Variants in KIFC3 observed in about 807,000 individuals in gnomAD.
The protein encoded by KIFC3 is kinesin-like protein KIFC3.
In KIFC3, 60 loss-of-function variants were observed where a neutral mutation model predicts 101.8. The observed-to-expected ratio is 0.59, with a 90% CI of 0.48 to 0.73. KIFC3 has a LOEUF of 0.73. Ranked by LOEUF, KIFC3 falls within the 30% of genes least tolerant of loss-of-function variation. The pLI is 0.00. For missense variants in KIFC3, 966 were observed against 1,137.1 expected, an observed-to-expected ratio of 0.85 and a Z score of 2.16; for synonymous variants, 476 against 482.7, an observed-to-expected ratio of 0.99 and a Z score of 0.18.
chr16:57,781,502 G>A (rs1412979677), intron 3 of KIFC3, among the ~76,000 whole-genome samples: 1 of 152,204 alleles, frequency 6.6e-6, no homozygotes, highest in Non-Finnish European at 1.5e-5. Context: ...GCCTCCTGTG[G>A]TCACCAGACC....
chr16:57,792,393 T>A (rs13333467), intron 3 of KIFC3, among the ~76,000 whole-genome samples: 4,999 of 152,302 alleles, frequency 0.033, 289 homozygotes, highest in African/African-American at 0.11. Flanking sequence ...TAGCACAGAC[T>A]GGCACATTCT....
At chr16:57,819,159 C>T (rs1472375226) in intron 1 of KIFC3, among the ~76,000 whole-genome samples, 3 of 152,152 alleles carry the variant, frequency 2.0e-5, no homozygotes, top group Admixed American at 2.0e-4. Context: ...GTTGAATGCT[C>T]ACAAGGGTCC....
intron 1 of KIFC3, among the ~76,000 whole-genome samples, chr16:57,837,577 G>GAAAGAAAGAAAGAAAGAAAGAAAGAA (rs1377537360): frequency 6.6e-6 from 1 of 151,716 alleles, no homozygotes; most frequent in Non-Finnish European, 1.5e-5. Context: ...AAGAAAGAAA[G>GAAAGAAAGAAAGAAAGAAAGAAAGAA]AAAGAGTAGC....
intron 1 of KIFC3, among the ~76,000 whole-genome samples, chr16:57,801,329 G>A (rs1255309130): frequency 6.6e-6 from 1 of 152,142 alleles, no homozygotes; most frequent in African/African-American, 2.4e-5. Context: ...AGTTGTACAG[G>A]GAATGCCACC....
intron 1 of KIFC3, among the ~76,000 whole-genome samples, chr16:57,851,874 G>A (rs536417815): frequency 6.6e-6 from 1 of 152,188 alleles, no homozygotes; most frequent in East Asian, 1.9e-4. Context: ...TGAGTAGCTG[G>A]GATTACAGGC....
intron 1 of KIFC3, among the ~76,000 whole-genome samples, chr16:57,829,455 A>T (rs1319879111): frequency 3.3e-5 from 5 of 151,972 alleles, no homozygotes; most frequent in Non-Finnish European, 2.9e-5. Flanking sequence ...AGGTCTTGCT[A>T]TGTTGCCCAG....
At chr16:57,855,366 C>T (rs1255891062) in intron 1 of KIFC3, among the ~76,000 whole-genome samples, 1 of 151,906 alleles carries the variant, frequency 6.6e-6, no homozygotes. Flanking sequence ...CTCATGTGAT[C>T]TACCCGCCTT....
intron 1 of KIFC3, among the ~76,000 whole-genome samples, chr16:57,862,567 A>G (rs1350922075): frequency 1.3e-5 from 2 of 152,196 alleles, no homozygotes; most frequent in Non-Finnish European, 2.9e-5. Flanking sequence ...TCAATGTTTT[A>G]TAAGTAATTC....
chr16:57,832,255 A>G (rs12599610), intron 1 of KIFC3, among the ~76,000 whole-genome samples: 28,270 of 148,968 alleles, frequency 0.19, 2,751 homozygotes, highest in South Asian at 0.27. Context: ...TCCTGAACTC[A>G]GGTGATCCTC....
chr16:57,847,206 GGAA>G lies in KIFC3; in HGVS notation c.108+15520_108+15522del, dbSNP rs2055939145. 3.2e-3 allele frequency among the ~76,000 whole-genome samples: 139 copies of G among 43,404 alleles called. 1 individual carries two copies. Among genetic ancestry groups the G allele is most frequent in the Middle Eastern group, 0.028 (4 of 144 alleles). The allele number at this position is 43,404 out of a possible 152,430, so 28.5% of individuals were successfully genotyped here. ...GTGAAGGAAGGAGGGAAGGAAGGAA[GGAA>G]GGAAGGAAGGAAGGAAGGAAGGAAG... On this transcript the variant is annotated intron_variant, in intron 1 of 2. Transcript: ENST00000563028.
chr16:57,796,654 G>C (rs2054344963), intron 2 of KIFC3, among the ~76,000 whole-genome samples: 1 of 152,140 alleles, frequency 6.6e-6, no homozygotes, highest in South Asian at 2.1e-4. Context: ...GTGGATAAAA[G>C]TCTGTATGGT....
In KIFC3 at chr16:57,798,115, G is replaced by A. The variant is rs782722007; in HGVS notation, c.129C>T (p.Ala43=). The A allele has an allele frequency of 1.9e-6, 3 of 1,579,092 alleles. No individual in the cohort carries two copies. Among genetic ancestry groups the A allele is most frequent in the South Asian group, 1.2e-5 (1 of 86,440 alleles). The change falls in exon 2 of 20, where the codon GCC becomes GCT. Residue 43 remains alanine, a synonymous_variant. Coordinates refer to ENST00000445690, the MANE Select transcript of KIFC3 (RefSeq NM_001130100.2). Reference sequence around the variant, plus strand: ...GGCCGGTGTGTGGGAAAGGGCGGGCGGCCGGGCTGGCTGGGGCTGGGGCGG... The same window carrying A: ...GGCCGGTGTGTGGGAAAGGGCGGGCAGCCGGGCTGGCTGGGGCTGGGGCGG... ...ARPAPAPASP[A]ARPFPHTGPG...
intron 1 of KIFC3, among the ~76,000 whole-genome samples, chr16:57,850,944 T>G (rs2056038906): frequency 3.3e-5 from 1 of 30,366 alleles, no homozygotes; most frequent in Non-Finnish European, 8.7e-5. Context: ...TTTCCTTCCC[T>G]CCCTCCTTCC....
At chr16:57,812,345 C>G (rs1272406796) in intron 1 of KIFC3, among the ~76,000 whole-genome samples, 4 of 100,380 alleles carry the variant, frequency 4.0e-5, no homozygotes, top group African/African-American at 1.1e-4. Flanking sequence ...CCCAGCCCCC[C>G]ATCTCTTAAA....
At chr16:57,760,642 T>C (rs2049731272) in intron 16 of KIFC3, 84 bp downstream of exon 16, 1 of 1,310,704 alleles carries the variant, frequency 7.6e-7, no homozygotes, top group Non-Finnish European at 1.1e-6. Context: ...GAGGTCCATT[T>C]GCACAGCCTG....
chr16:57,761,244 C>A, intron 14 of KIFC3, 73 bp from the exon 15 acceptor site: 1 of 1,596,108 alleles, frequency 6.3e-7, no homozygotes, highest in South Asian at 1.1e-5. Flanking sequence ...CCCCAAGCAC[C>A]CATGAGGAGT....
At chr16:57,774,712 T>C (rs1254161736) in intron 3 of KIFC3, 5 of 436,192 alleles carry the variant, frequency 1.1e-5, no homozygotes, top group East Asian at 3.7e-5. Context: ...TTTTAATGTA[T>C]AGAAGGGTCT....
chr16:57,769,927 C>G lies in KIFC3; in HGVS notation c.968G>C (p.Arg323Pro). ...CTCCTCCAGCATCTGCCCATGGGCC[C>G]GCTCCAGCTCTGACTCGTACATGGC... Reference protein sequence around the residue: ...QIAMYESELERAHGQMLEEMQ... With the variant: ...QIAMYESELEPAHGQMLEEMQ... Residue 323 changes from arginine (R) to proline (P), a missense_variant, in exon 8 of 20, where the codon CGG becomes CCG. This residue lies in a region of KIFC3 where 689 missense variants were observed against 884.6 expected (regional missense o/e 0.78). Transcript: ENST00000445690. This position sits in a 1 kb window ranked among gnomAD's most constrained non-coding sequence, Gnocchi z 4.3. The G allele has an allele frequency of 6.2e-7, 1 of 1,613,442 alleles. No homozygotes were observed. Among genetic ancestry groups the G allele is most frequent in the Non-Finnish European group, 8.5e-7 (1 of 1,180,024 alleles).
At position 57,762,215 on chromosome 16, in the gene KIFC3, T is replaced by C. The variant is rs2049948607; in HGVS notation, c.1673A>G (p.Glu558Gly). 6.2e-7 allele frequency: 1 copy of C among 1,608,714 alleles called. No homozygotes were observed. Among genetic ancestry groups the C allele is most frequent in the African/African-American group, 1.3e-5 (1 of 74,756 alleles). Residue 558 changes from glutamate to glycine, a missense_variant, in exon 13 of 20, where the codon GAG becomes GGG. Glu to Gly is a moderately conservative substitution (Grantham distance 98). Coordinates refer to ENST00000445690, the MANE Select transcript of KIFC3 (RefSeq NM_001130100.2). The stretch of plus-strand genomic sequence containing the variant: ...CCAGTCAGACGCCTTCTCCTGCACC[T>C]CGGAGAAGAGCAGCTGCAGGGCCCG... ...NQRALQLLFS[E>G]VQEKASDWEY...
Sources: gnomAD v4.1 joint callset for allele counts (sites outside exome capture counted in the v4.1 genomes callset) on GRCh38, gnomAD v4.1.1 for gene constraint, gnomAD v4.1.1 regional missense constraint, Gnocchi (gnomAD v3.1) non-coding constraint, MANE v1.5 for transcripts, NCBI Gene and HGNC (gene_info 2026-07-23, HGNC 2026-07-21) for gene names.